Variants in CHST15 observed in about 807,000 individuals in gnomAD.
CHST15 encodes carbohydrate sulfotransferase 15, also known as B cell RAG associated protein (GALNAC4S-6ST).
CHST15 carries 30 observed loss-of-function variants against 53.6 expected under a neutral mutation model. The observed-to-expected ratio is 0.56, with a 90% CI of 0.42 to 0.76. The LOEUF (loss-of-function observed/expected upper bound fraction) is 0.76, where lower values mean the gene tolerates loss of function less well. Among genes scored for constraint, CHST15 ranks in the 30% least tolerant of loss-of-function variants. CHST15 has a pLI of 0.00. For missense variants in CHST15, 627 were observed against 740.5 expected (o/e 0.85, Z 1.78); for synonymous variants, 296 against 289.8 (o/e 1.02, Z -0.22).
intron 1 of CHST15, among the ~76,000 whole-genome samples, chr10:124,068,652 A>G (rs1948822518): frequency 6.6e-6 from 1 of 152,196 alleles, no homozygotes; most frequent in Admixed American, 6.5e-5. Context: ...TCAAATCCAG[A>G]AAAAGATCAA....
intron 6 of CHST15, among the ~76,000 whole-genome samples, chr10:124,015,922 C>T (rs114087414): frequency 0.012 from 1,761 of 152,320 alleles, 24 homozygotes; most frequent in African/African-American, 0.037. Flanking sequence ...GGAGTGGTGA[C>T]GAGCCCTGGT....
Position 124,008,057 on chromosome 10 carries a change from T to C in CHST15, c.*2092A>G, listed in dbSNP as rs758328165. ...GGCACAGAAGGGATGGGACTGCATA[T>C]ATAAAAAAGATCCGCATAATAAACC... On this transcript the variant is annotated 3_prime_UTR_variant, in exon 8 of 8. Transcript: ENST00000435907. 8.1e-7 allele frequency: 1 copy of C among 1,232,046 alleles called. No homozygotes were observed. The highest frequency in any genetic ancestry group is 1.0e-6 in the Non-Finnish European group (1 of 987,952). 76.3% of individuals were successfully genotyped at this position (1,232,046 alleles called of 1,614,324 possible). A position where few individuals can be genotyped will look rare whatever the true frequency, so the allele number is the denominator to read the frequency against.
chr10:124,007,793 G>A lies in CHST15; in HGVS notation c.*2356C>T, dbSNP rs76828416. ...ACTTAACATACCTTACAGGACTAAG[G>A]GAGTACAATTTAACACGGTCACAAC... is the stretch of plus-strand genomic sequence containing the variant. On this transcript the variant is annotated 3_prime_UTR_variant, in exon 8 of 8. Transcript: ENST00000435907. 1.2e-3 allele frequency: 1,534 copies of A among 1,231,846 alleles called. 10 individuals are homozygous for A. The African/African-American group carries it at 0.015, about 12-fold the overall frequency. 76.3% of individuals were successfully genotyped at this position (1,231,846 alleles called of 1,614,324 possible).
chr10:124,009,037 G>GT lies in CHST15; in HGVS notation c.*1111dup. ...ATTGTGTTTTGGAATTGGGACACGA[G>GT]TATCTATAGTCCCTTGCTGGGTGAG... is the stretch of plus-strand genomic sequence containing the variant. On this transcript the variant is annotated 3_prime_UTR_variant, in exon 8 of 8. Transcript: ENST00000435907. The GT allele has an allele frequency of 7.8e-7, 1 of 1,289,160 alleles. No individual in the cohort carries two copies. The highest frequency in any genetic ancestry group is 1.2e-5 in the South Asian group (1 of 81,022). The allele number at this position is 1,289,160 out of a possible 1,614,324, so 79.9% of individuals were successfully genotyped here. A position where few individuals can be genotyped will look rare whatever the true frequency, so the allele number is the denominator to read the frequency against.
rs936559975 is a variant in CHST15, at chr10:124,009,604, C to T, written c.*545G>A. ...CGGTTCTCTGTCCCAGTGAGGTTAG[C>T]GATCGCAACAAGAGTGTTTCAGAAG... On this transcript the variant is annotated 3_prime_UTR_variant, in exon 8 of 8. Coordinates refer to ENST00000435907, the MANE Select transcript of CHST15 (RefSeq NM_001270764.2). 7.1e-6 allele frequency: 7 copies of T among 989,948 alleles called. No homozygotes were observed. Among genetic ancestry groups the T allele is most frequent in the Non-Finnish European group, 8.4e-6 (7 of 832,466 alleles). The allele number at this position is 989,948 out of a possible 1,614,324, so 61.3% of individuals were successfully genotyped here.
chr10:124,014,679 A>C (rs1946531577), intron 6 of CHST15, among the ~76,000 whole-genome samples: 1 of 152,142 alleles, frequency 6.6e-6, no homozygotes, highest in Non-Finnish European at 1.5e-5. Flanking sequence ...AGGGGAGACC[A>C]GTCTGATGAG....
At chr10:124,021,233 G>T (rs746957393) in intron 6 of CHST15, 23 bp downstream of exon 6, 4 of 1,547,350 alleles carry the variant, frequency 2.6e-6, no homozygotes, top group Non-Finnish European at 2.6e-6. Context: ...AGCTCGGGGG[G>T]TACGGGGGGG....
intron 7 of CHST15, chr10:124,010,986 G>A (rs1011309601): frequency 2.1e-5 from 21 of 983,952 alleles, no homozygotes; most frequent in Non-Finnish European, 2.3e-5. Flanking sequence ...GGAGTGAGGC[G>A]AGGCCCTGGA....
At chr10:124,031,749 C>A (rs1385417042) in intron 5 of CHST15, among the ~76,000 whole-genome samples, 2 of 152,152 alleles carry the variant, frequency 1.3e-5, no homozygotes, top group Non-Finnish European at 2.9e-5. Context: ...CACGTTACTA[C>A]AAATATTAAG....
chr10:124,046,162 G>C lies in CHST15; in HGVS notation c.51C>G (p.His17Gln), dbSNP rs1302290887. The C allele has an allele frequency of 6.2e-7, 1 of 1,613,980 alleles. No individual in the cohort carries two copies. Among genetic ancestry groups the C allele is most frequent in the East Asian group, 2.2e-5 (1 of 44,886 alleles). The change falls in exon 2 of 8, where the codon CAC becomes CAG. Residue 17 changes from histidine (H) to glutamine (Q), a missense_variant. Physicochemically the swap from His to Gln is conservative, Grantham distance 24 (BLOSUM62 0). This residue lies in a region of CHST15 where 187 missense variants were observed against 251.8 expected (regional missense o/e 0.74). Coordinates refer to ENST00000435907, the MANE Select transcript of CHST15 (RefSeq NM_001270764.2). ...CCIQLLPDGA[H>Q]KQQVNCQGGP... ...CCCCTTGGCAGTTGACCTGCTGCTT[G>C]TGTGCGCCGTCGGGTAACAGCTGTA...
intron 1 of CHST15, among the ~76,000 whole-genome samples, chr10:124,083,622 T>C (rs1949322071): frequency 6.6e-6 from 1 of 152,178 alleles, no homozygotes; most frequent in South Asian, 2.1e-4. Flanking sequence ...CAAGTGGGTA[T>C]AAATAGCTTT....
intron 1 of CHST15, among the ~76,000 whole-genome samples, chr10:124,083,912 G>A (rs1226241059): frequency 3.3e-5 from 5 of 152,204 alleles, no homozygotes; most frequent in Non-Finnish European, 5.9e-5. Flanking sequence ...GATGACCACA[G>A]GCGAGGAAGT....
intron 1 of CHST15, among the ~76,000 whole-genome samples, chr10:124,051,282 T>C (rs1948185559): frequency 6.6e-6 from 1 of 152,076 alleles, no homozygotes; most frequent in South Asian, 2.1e-4. Flanking sequence ...ATATACATAG[T>C]AAAATATGTA....
intron 5 of CHST15, among the ~76,000 whole-genome samples, chr10:124,022,374 A>G (rs1026816712): frequency 1.3e-5 from 2 of 152,192 alleles, no homozygotes; most frequent in Non-Finnish European, 2.9e-5. Context: ...CTTTAACCCT[A>G]GAAGGAAAGT....
chr10:124,049,458 A>T (rs1465680745), intron 1 of CHST15, among the ~76,000 whole-genome samples: 1 of 152,224 alleles, frequency 6.6e-6, no homozygotes, highest in Admixed American at 6.5e-5. Context: ...GCAGCTTTCA[A>T]CAAACCCCCC....
chr10:124,034,763 G>GGCTCCACCCCCTAACAGGGACC (rs1947378622), intron 5 of CHST15, among the ~76,000 whole-genome samples: 1 of 46,226 alleles, frequency 2.2e-5, no homozygotes, highest in African/African-American at 1.1e-4. Flanking sequence ...TAACAGGGAC[G>GGCTCCACCCCCTAACAGGGACC]CCGGCTCCAC....
chr10:124,040,197 G>A (rs1947683611), intron 4 of CHST15, among the ~76,000 whole-genome samples: 1 of 152,208 alleles, frequency 6.6e-6, no homozygotes, highest in Non-Finnish European at 1.5e-5. Context: ...GGAGGCGTTT[G>A]TCCATCCACC....
chr10:124,031,810 C>T (rs1043355530), intron 5 of CHST15, among the ~76,000 whole-genome samples: 1 of 152,132 alleles, frequency 6.6e-6, no homozygotes, highest in Non-Finnish European at 1.5e-5. Flanking sequence ...CCCATTTTAC[C>T]GATGAGAAAA....
Position 124,009,417 on chromosome 10 carries a change from A to G in CHST15, c.*732T>C. 1 of 994,978 alleles carries G rather than the reference A, an allele frequency of 1.0e-6. No homozygotes were observed. Among genetic ancestry groups the G allele is most frequent in the Non-Finnish European group, 1.2e-6 (1 of 835,486 alleles). 61.6% of individuals were successfully genotyped at this position (994,978 alleles called of 1,614,324 possible). On this transcript the variant is annotated 3_prime_UTR_variant, in exon 8 of 8. Transcript: ENST00000435907. ...TTAAACATAAGTCCACAAGGACAGA[A>G]TAGGAGGAGGTCAGAAAGATGAAGG... is the stretch of plus-strand genomic sequence containing the variant.
Sources: gnomAD v4.1 joint callset for allele counts (sites outside exome capture counted in the v4.1 genomes callset) on GRCh38, gnomAD v4.1.1 for gene constraint, gnomAD v4.1.1 regional missense constraint, MANE v1.5 for transcripts, NCBI Gene and HGNC (gene_info 2026-07-23, HGNC 2026-07-21) for gene names.